Variants in TRDN observed in about 807,000 individuals in gnomAD.
TRDN encodes triadin in skeletal muscle.
Under a neutral mutation model 149.7 loss-of-function variants are expected in TRDN, and 161 were observed. That is an observed-to-expected ratio of 1.08 (90% CI 0.95 to 1.23). The LOEUF (loss-of-function observed/expected upper bound fraction) is 1.23, where lower values mean the gene tolerates loss of function less well. Among genes scored for constraint, TRDN ranks in the 50% most tolerant of loss-of-function variants. The pLI is 0.00. For missense variants in TRDN, 896 were observed against 823.5 expected, an observed-to-expected ratio of 1.09 and a Z score of -1.08; for synonymous variants, 294 against 250.5, an observed-to-expected ratio of 1.17 and a Z score of -1.64.
chr6:123,392,581 G>A (rs549990260), intron 13 of TRDN, among the ~76,000 whole-genome samples: 14 of 151,926 alleles, frequency 9.2e-5, no homozygotes, highest in African/African-American at 2.7e-4. Flanking sequence ...CCTTTCTATC[G>A]TTCATAATAT....
Position 123,582,767 on chromosome 6 carries a change from A to G in TRDN, c.23-11635T>C, listed in dbSNP as rs141711925. Among the ~76,000 whole-genome samples, 1,277 of 152,132 alleles carry G rather than the reference A, an allele frequency of 8.4e-3. 21 individuals are homozygous for G. The highest frequency in any genetic ancestry group is 0.03 in the African/African-American group (1,225 of 41,484). On this transcript the variant is annotated intron_variant, in intron 1 of 40. Coordinates refer to ENST00000334268, the MANE Select transcript of TRDN (RefSeq NM_006073.4). The stretch of plus-strand genomic sequence containing the variant: ...CTTCTTATATTAATAAGAAAAATAA[A>G]ATGAAATAGTGGTAAAGTCTTGGGA...
At chr6:123,288,912 G>A (rs537870417) in intron 24 of TRDN, among the ~76,000 whole-genome samples, 1 of 151,672 alleles carries the variant, frequency 6.6e-6, no homozygotes. Flanking sequence ...TTGAAATCAG[G>A]ATGTCAGAGA....
At chr6:123,245,950 A>G (rs1776159353) in intron 38 of TRDN, among the ~76,000 whole-genome samples, 1 of 152,160 alleles carries the variant, frequency 6.6e-6, no homozygotes, top group Non-Finnish European at 1.5e-5. Flanking sequence ...AAACCGCAAA[A>G]CTACATGGAA....
chr6:123,529,480 T>A, intron 5 of TRDN: 1 of 918,230 alleles, frequency 1.1e-6, no homozygotes, highest in Non-Finnish European at 1.7e-6. Flanking sequence ...TGTAGAATGA[T>A]TTGAGCCCTT....
chr6:123,323,554 G>A (rs1022120836), intron 23 of TRDN, among the ~76,000 whole-genome samples: 4 of 152,144 alleles, frequency 2.6e-5, no homozygotes, highest in Non-Finnish European at 4.4e-5. Flanking sequence ...TAATGCAGGC[G>A]CTTAAGTCAT....
chr6:123,551,372 C>T (rs1434935063), intron 2 of TRDN, among the ~76,000 whole-genome samples: 3 of 150,904 alleles, frequency 2.0e-5, no homozygotes, highest in African/African-American at 4.9e-5. Flanking sequence ...CACACACACA[C>T]ACACACACTT....
chr6:123,317,698 T>C (rs1779078405), intron 23 of TRDN, among the ~76,000 whole-genome samples: 1 of 151,996 alleles, frequency 6.6e-6, no homozygotes, highest in African/African-American at 2.4e-5. Context: ...GTAATCACTC[T>C]TTAGATTTTA....
intron 12 of TRDN, among the ~76,000 whole-genome samples, chr6:123,418,124 A>G (rs1773732417): frequency 6.6e-6 from 1 of 152,144 alleles, no homozygotes; most frequent in Non-Finnish European, 1.5e-5. Context: ...TTTGACCCAG[A>G]GGTAGCTTGT....
chr6:123,301,784 T>TACATATATATATATATAC (rs1410437577), intron 24 of TRDN, among the ~76,000 whole-genome samples: 1 of 97,020 alleles, frequency 1.0e-5, no homozygotes, highest in African/African-American at 3.0e-5. Context: ...TATATATATA[T>TACATATATATATATATAC]ATACATAAAT....
At chr6:123,511,999 T>TC (rs945248267) in intron 7 of TRDN, among the ~76,000 whole-genome samples, 10 of 151,604 alleles carry the variant, frequency 6.6e-5, no homozygotes, top group African/African-American at 2.4e-4. Flanking sequence ...ATTTTTTTTT[T>TC]TTTTTTGCCA....
At chr6:123,398,756 G>C (rs1772838668) in intron 12 of TRDN, among the ~76,000 whole-genome samples, 1 of 152,114 alleles carries the variant, frequency 6.6e-6, no homozygotes, top group African/African-American at 2.4e-5. Flanking sequence ...GCAGCCTTTG[G>C]CCATCCTGTG....
At chr6:123,323,623 A>G (rs960406736) in intron 23 of TRDN, among the ~76,000 whole-genome samples, 2 of 152,166 alleles carry the variant, frequency 1.3e-5, no homozygotes, top group Non-Finnish European at 2.9e-5. Context: ...AAAATTCCCA[A>G]TGGAGTTTGA....
At chr6:123,346,567 C>G (rs575342538) in intron 21 of TRDN, among the ~76,000 whole-genome samples, 1 of 151,918 alleles carries the variant, frequency 6.6e-6, no homozygotes, top group Non-Finnish European at 1.5e-5. Flanking sequence ...TTTCAACAAA[C>G]CAGAAACTGT....
intron 16 of TRDN, 94 bp from the exon 17 acceptor site, chr6:123,377,992 G>A (rs573254949): frequency 9.2e-4 from 783 of 853,724 alleles, no homozygotes; most frequent in Non-Finnish European, 1.3e-3. Context: ...AAACATGCAT[G>A]TGCTGATGCC....
intron 1 of TRDN, among the ~76,000 whole-genome samples, chr6:123,609,117 G>A (rs34610439): frequency 0.031 from 4,695 of 152,050 alleles, 125 homozygotes; most frequent in South Asian, 0.1. Context: ...AGGTTGGAGT[G>A]AGCCGAGGTT....
chr6:123,622,318 G>GACACACAC (rs67160946), intron 1 of TRDN, among the ~76,000 whole-genome samples: 1 of 123,664 alleles, frequency 8.1e-6, no homozygotes, highest in Admixed American at 7.8e-5. Context: ...TATATATACA[G>GACACACAC]ACACACACAC....
At chr6:123,589,903 CT>C (rs35474946) in intron 1 of TRDN, among the ~76,000 whole-genome samples, 2 of 151,968 alleles carry the variant, frequency 1.3e-5, no homozygotes, top group African/African-American at 4.8e-5. Context: ...TTAAATTTTA[CT>C]TTTTTCAGTA....
In TRDN at chr6:123,313,881, A is replaced by C. The variant is rs1778923489; in HGVS notation, c.1510+2576T>G. Among the ~76,000 whole-genome samples the C allele has an allele frequency of 4.6e-5, 7 of 152,184 alleles. No individual in the cohort carries two copies. In the South Asian group the frequency reaches 1.5e-3, roughly 32 times the overall value. On this transcript the variant is annotated intron_variant, in intron 24 of 40. Transcript: ENST00000334268. ...ATTAAATACTTAAATGTAAAACTTAAAACTAGAAAAAGCCTGGAAGACAAC... is the reference window on the plus strand; with the variant it reads ...ATTAAATACTTAAATGTAAAACTTACAACTAGAAAAAGCCTGGAAGACAAC...
At chr6:123,225,309 G>A (rs1311841655) in intron 38 of TRDN, among the ~76,000 whole-genome samples, 1 of 151,690 alleles carries the variant, frequency 6.6e-6, no homozygotes, top group Non-Finnish European at 1.5e-5. Flanking sequence ...TGCCATTATA[G>A]AAAGCAGTAT....
Sources: allele counts gnomAD v4.1 joint callset (sites outside exome capture counted in the v4.1 genomes callset), GRCh38; gene constraint gnomAD v4.1.1; transcripts MANE v1.5; gene names NCBI Gene and HGNC (gene_info 2026-07-23, HGNC 2026-07-21).